PDE5A: variants seen among roughly 807,000 people sequenced by gnomAD.
The protein encoded by PDE5A is phosphodiesterase 5A, also known as cGMP-specific 3',5'-cyclic phosphodiesterase.
Under a neutral mutation model 110.2 loss-of-function variants are expected in PDE5A, and 67 were observed. The observed-to-expected ratio is 0.61, with a 90% CI of 0.50 to 0.75. PDE5A has a LOEUF of 0.75. Among genes scored for constraint, PDE5A ranks in the 30% least tolerant of loss-of-function variants. PDE5A has a pLI of 0.00. For synonymous variants in PDE5A, 328 were observed against 351.2 expected, an observed-to-expected ratio of 0.93 and a Z score of 0.74; for missense variants, 862 against 1,045.1, an observed-to-expected ratio of 0.82 and a Z score of 2.42.
At chr4:119,610,881 T>C (rs1219051484) in intron 1 of PDE5A, among the ~76,000 whole-genome samples, 11 of 152,164 alleles carry the variant, frequency 7.2e-5, no homozygotes, top group Non-Finnish European at 1.3e-4. Flanking sequence ...TCTGATCCTA[T>C]ACTTACCCCC....
intron 3 of PDE5A, among the ~76,000 whole-genome samples, chr4:119,584,094 C>T (rs749861420): frequency 7.2e-5 from 11 of 152,068 alleles, no homozygotes; most frequent in Non-Finnish European, 1.2e-4. Context: ...ACAGTTCATC[C>T]CAAGAAGTAA....
chr4:119,547,967 T>C (rs559138001), intron 9 of PDE5A, among the ~76,000 whole-genome samples: 2 of 152,052 alleles, frequency 1.3e-5, no homozygotes, highest in Non-Finnish European at 2.9e-5. Context: ...TTCTAATGTT[T>C]ATTTTTTCCT....
At chr4:119,531,777 G>T (rs1726551611) in intron 11 of PDE5A, among the ~76,000 whole-genome samples, 1 of 151,918 alleles carries the variant, frequency 6.6e-6, no homozygotes. Flanking sequence ...CATTTGCTCT[G>T]ATTCTGTGAG....
rs1479053353 is a variant in PDE5A, at chr4:119,519,073, G to C, written c.1972C>G (p.Arg658Gly). The change falls in exon 14 of 21, where the codon CGT becomes GGT. Residue 658 changes from arginine to glycine, a missense_variant. Physicochemically the swap from Arg to Gly is moderately radical, Grantham distance 125 (BLOSUM62 -2). Coordinates refer to ENST00000354960, the MANE Select transcript of PDE5A (RefSeq NM_001083.4). ...IAALSHDLDHRGVNNSYIQRS... is the reference protein window; with the variant it reads ...IAALSHDLDHGGVNNSYIQRS... The stretch of plus-strand genomic sequence containing the variant: ...TGTATGTAAGAGTTATTCACACCAC[G>C]GTGATCCAAATCGTGGCTTAGTGCA... 1.2e-6 allele frequency: 2 copies of C among 1,613,462 alleles called. No homozygotes were observed. The highest frequency in any genetic ancestry group is 1.7e-6 in the Non-Finnish European group (2 of 1,179,492).
At chr4:119,622,520 T>C (rs1730185682) in intron 1 of PDE5A, among the ~76,000 whole-genome samples, 1 of 152,130 alleles carries the variant, frequency 6.6e-6, no homozygotes, top group East Asian at 1.9e-4. Flanking sequence ...CTAACAATGG[T>C]ACATAAGACA....
At chr4:119,578,497 C>A (rs557138011) in intron 3 of PDE5A, among the ~76,000 whole-genome samples, 1,719 of 152,248 alleles carry the variant, frequency 0.011, 21 homozygotes, top group Non-Finnish European at 0.018. Context: ...GAGATATAGA[C>A]CAATGGAACA....
At chr4:119,582,739 C>G (rs1728629821) in intron 3 of PDE5A, among the ~76,000 whole-genome samples, 1 of 152,178 alleles carries the variant, frequency 6.6e-6, no homozygotes, top group Non-Finnish European at 1.5e-5. Flanking sequence ...ACATTGATTT[C>G]CTTGTGCATC....
chr4:119,516,226 C>T (rs1725901636), intron 14 of PDE5A, among the ~76,000 whole-genome samples: 3 of 152,212 alleles, frequency 2.0e-5, no homozygotes, highest in African/African-American at 7.2e-5. Flanking sequence ...ACAGTCCATG[C>T]ACTAAATAAC....
Position 119,505,893 on chromosome 4 carries a change from T to C in PDE5A, c.2229A>G (p.Gln743=), listed in dbSNP as rs996537744. ...TTTGATGAGGATCTTCCAAATTGAATTGATTTTTTCTTATAAGTTCAAAAA... is the reference window on the plus strand; with the variant it reads ...TTTGATGAGGATCTTCCAAATTGAACTGATTTTTTCTTATAAGTTCAAAAA... ...GEFFELIRKN[Q]FNLEDPHQKE... is the part of the protein sequence containing the mutation. Residue 743 remains glutamine, a synonymous_variant, in exon 17 of 21, where the codon CAA becomes CAG. Transcript: ENST00000354960. The C allele has an allele frequency of 7.6e-6, 12 of 1,572,204 alleles. No homozygotes were observed. The highest frequency in any genetic ancestry group is 1.4e-5 in the African/African-American group (1 of 72,072).
At chr4:119,501,101 C>T in intron 20 of PDE5A, 69 bp downstream of exon 20, 1 of 902,816 alleles carries the variant, frequency 1.1e-6, no homozygotes, top group Non-Finnish European at 1.8e-6. Context: ...TAATATTAAT[C>T]TCTTCAATTT....
intron 20 of PDE5A, 143 bp downstream of exon 20, chr4:119,501,027 T>C: frequency 1.7e-6 from 1 of 597,898 alleles, no homozygotes; most frequent in Non-Finnish European, 3.0e-6. Context: ...AACATGTTCA[T>C]CAGTAAAAGA....
At chr4:119,571,663 C>A (rs2110512977) in intron 3 of PDE5A, among the ~76,000 whole-genome samples, 1 of 152,270 alleles carries the variant, frequency 6.6e-6, no homozygotes, top group South Asian at 2.1e-4. Context: ...TTTTAAGTCA[C>A]TAAATTTCTG....
intron 3 of PDE5A, among the ~76,000 whole-genome samples, chr4:119,595,570 T>C (rs913995591): frequency 1.3e-5 from 2 of 152,180 alleles, no homozygotes; most frequent in African/African-American, 2.4e-5. Context: ...AGAGCATATA[T>C]TGCTCTCTCT....
chr4:119,596,586 G>A lies in PDE5A; in HGVS notation c.768C>T (p.Asp256=), dbSNP rs1729159627. 6.3e-7 allele frequency: 1 copy of A among 1,597,376 alleles called. No homozygotes were observed. Among genetic ancestry groups the A allele is most frequent in the Non-Finnish European group, 8.5e-7 (1 of 1,170,780 alleles). Residue 256 remains aspartate, a synonymous_variant, in exon 3 of 21, where the codon GAC becomes GAT. Coordinates refer to ENST00000354960, the MANE Select transcript of PDE5A (RefSeq NM_001083.4). ...TTTGTGTCTTGTAGCCTGTAATTTG[G>A]TCAACTTCTGCATTGAACCGAGGAT... ...YEDPRFNAEV[D]QITGYKTQSI... is the part of the protein sequence containing the mutation.
chr4:119,570,366 CA>C (rs1284779899), intron 3 of PDE5A, among the ~76,000 whole-genome samples: 2 of 152,154 alleles, frequency 1.3e-5, no homozygotes, highest in African/African-American at 4.8e-5. Flanking sequence ...CCCCTAAAAG[CA>C]TTAGCTTCCA....
intron 20 of PDE5A, 146 bp downstream of exon 20, chr4:119,501,024 T>G: frequency 1.7e-6 from 1 of 598,172 alleles, no homozygotes; most frequent in Non-Finnish European, 3.0e-6. Context: ...ACAAACATGT[T>G]CATCAGTAAA....
chr4:119,569,067 T>C (rs1049282596), intron 3 of PDE5A, among the ~76,000 whole-genome samples: 2 of 151,566 alleles, frequency 1.3e-5, no homozygotes, highest in Non-Finnish European at 2.9e-5. Context: ...AGGGTCTTGC[T>C]CTGTTGCCCA....
At position 119,627,739 on chromosome 4, in the gene PDE5A, G is replaced by C. The variant is rs942012628; in HGVS notation, c.152+781C>G. ...CTGCGCAGCCGCCTCCAAAAGGACA[G>C]GCTCCCTCCTCCCCGCCCTCCGCAA... On this transcript the variant is annotated intron_variant, in intron 1 of 20. Coordinates refer to ENST00000354960, the MANE Select transcript of PDE5A (RefSeq NM_001083.4). The surrounding 1 kb of genome is among the most constrained non-coding windows in gnomAD (Gnocchi z 4.6). 6.5e-6 allele frequency: 1 copy of C among 153,488 alleles called. No homozygotes were observed. The highest frequency in any genetic ancestry group is 2.4e-5 in the African/African-American group (1 of 41,456). 9.5% of individuals were successfully genotyped at this position (153,488 alleles called of 1,614,324 possible).
intron 1 of PDE5A, among the ~76,000 whole-genome samples, chr4:119,622,593 G>T (rs754470564): frequency 7.4e-4 from 113 of 151,964 alleles, no homozygotes; most frequent in Non-Finnish European, 1.2e-3. Flanking sequence ...AGCTTTAAAG[G>T]CCGGGTGCGG....
Sources: gnomAD v4.1 joint callset for allele counts (sites outside exome capture counted in the v4.1 genomes callset) on GRCh38, gnomAD v4.1.1 for gene constraint, Gnocchi (gnomAD v3.1) non-coding constraint, MANE v1.5 for transcripts, NCBI Gene and HGNC (gene_info 2026-07-23, HGNC 2026-07-21) for gene names.